The following SETBP1 variants were observed in gnomAD, a reference collection of about 807,000 sequenced individuals.
The protein encoded by SETBP1 is SET binding protein 1, also known as SET-binding protein.
Under a neutral mutation model 101.0 loss-of-function variants are expected in SETBP1, and 9 were observed. The observed-to-expected ratio is 0.09, with a 90% CI of 0.05 to 0.16. SETBP1 has a LOEUF of 0.16. SETBP1 is among the 10% of genes least tolerant of loss of function. SETBP1 has a pLI of 1.00. For synonymous variants in SETBP1, 818 were observed against 788.5 expected (o/e 1.04, Z -0.63); for missense variants, 1,858 against 2,033.8 (o/e 0.91, Z 1.66).
rs1179744279 is a variant in SETBP1, at chr18:44,950,766, C to T, written c.1426C>T (p.Pro476Ser). Residue 476 changes from proline (P) to serine (S), a missense_variant, in exon 4 of 6, where the codon CCC becomes TCC. Pro to Ser is a moderately conservative substitution (Grantham distance 74). Around this residue, in one of 12 missense-constraint regions of SETBP1, gnomAD observed 581 missense variants for 535.1 expected, o/e 1.09. Transcript: ENST00000649279. ...GAGTAAAATGATAGAGAATGAGTCC[C>T]CCTCAGTTGGCCTTGAAACTGGTGG... is the stretch of plus-strand genomic sequence containing the variant. ...KLSKMIENESPSVGLETGGNA... is the reference protein window; with the variant it reads ...KLSKMIENESSSVGLETGGNA... The T allele has an allele frequency of 1.2e-6, 2 of 1,614,116 alleles. No homozygotes were observed. Among genetic ancestry groups the T allele is most frequent in the South Asian group, 1.1e-5 (1 of 91,068 alleles).
At chr18:44,706,692 G>T (rs758582329) in intron 2 of SETBP1, among the ~76,000 whole-genome samples, 4 of 147,062 alleles carry the variant, frequency 2.7e-5, no homozygotes, top group Admixed American at 1.4e-4. Context: ...CTTCTCTTTC[G>T]TGAGGATGTT....
chr18:44,860,080 C>T (rs1478138779), intron 2 of SETBP1, among the ~76,000 whole-genome samples: 2 of 152,108 alleles, frequency 1.3e-5, no homozygotes, highest in Non-Finnish European at 2.9e-5. Context: ...TGGGATTCAC[C>T]AAGGGGATGA....
chr18:44,930,426 G>T (rs112953718), intron 3 of SETBP1, among the ~76,000 whole-genome samples: 1 of 152,070 alleles, frequency 6.6e-6, no homozygotes, highest in African/African-American at 2.4e-5. Flanking sequence ...GCCAGGCTTT[G>T]GTATCAGGAT....
rs772700161 is a variant in SETBP1 at position 44,950,159 on chromosome 18, G to A, written c.819G>A (p.Thr273=). 20 of 1,613,718 alleles carry A rather than the reference G, an allele frequency of 1.2e-5. No individual in the cohort carries two copies. The highest frequency in any genetic ancestry group is 2.7e-5 in the African/African-American group (2 of 74,940). The change falls in exon 4 of 6, where the codon ACG becomes ACA. Residue 273 remains threonine, a synonymous_variant. Transcript: ENST00000649279. Reference sequence around the variant, plus strand: ...GTAAGAAAGGCAGTGCAGGGAACACGTGGAGTCAGTTGTCTAACAATAACA... The same window carrying A: ...GTAAGAAAGGCAGTGCAGGGAACACATGGAGTCAGTTGTCTAACAATAACA... ...AQGKKGSAGN[T]WSQLSNNNKD...
chr18:45,004,747 T>C (rs967370658), intron 4 of SETBP1, among the ~76,000 whole-genome samples: 7 of 152,208 alleles, frequency 4.6e-5, no homozygotes, highest in Non-Finnish European at 7.3e-5. Context: ...GCTTCACTCA[T>C]GGGTGAGAGC....
rs188910435 is a variant in SETBP1 at position 45,062,705 on chromosome 18, A to G, written c.4172-374A>G. On this transcript the variant is annotated intron_variant, in intron 5 of 5. Coordinates refer to ENST00000649279, the MANE Select transcript of SETBP1 (RefSeq NM_015559.3). ...AGGTGAATACAAAATTACCTATATA[A>G]TAAGAGAAATAATGGGAAGATTTAT... Among the ~76,000 whole-genome samples the G allele has an allele frequency of 2.4e-3, 366 of 152,290 alleles. 3 individuals carry two copies. Among genetic ancestry groups the G allele is most frequent in the African/African-American group, 8.0e-3 (331 of 41,562 alleles).
intron 2 of SETBP1, among the ~76,000 whole-genome samples, chr18:44,866,225 A>C (rs1385993686): frequency 6.6e-6 from 1 of 152,216 alleles, no homozygotes; most frequent in Non-Finnish European, 1.5e-5. Context: ...GCTTGTCCCC[A>C]GTGCCTGAGT....
intron 1 of SETBP1, among the ~76,000 whole-genome samples, chr18:44,689,923 A>T (rs1052672438): frequency 1.3e-5 from 2 of 152,152 alleles, no homozygotes; most frequent in African/African-American, 4.8e-5. Flanking sequence ...ACAGCTTTCC[A>T]AGTGCAGGGA....
At chr18:44,910,684 A>G (rs944368873) in intron 3 of SETBP1, among the ~76,000 whole-genome samples, 1 of 152,156 alleles carries the variant, frequency 6.6e-6, no homozygotes, top group Non-Finnish European at 1.5e-5. Flanking sequence ...GCCCTGTCAT[A>G]CTAAAAACCT....
intron 2 of SETBP1, among the ~76,000 whole-genome samples, chr18:44,804,487 A>T (rs1244593147): frequency 6.6e-6 from 1 of 152,072 alleles, no homozygotes; most frequent in Non-Finnish European, 1.5e-5. Flanking sequence ...AGGGTAAGAG[A>T]GCTGTTCGAA....
intron 2 of SETBP1, among the ~76,000 whole-genome samples, chr18:44,857,790 A>G (rs1363358784): frequency 6.6e-6 from 1 of 152,204 alleles, no homozygotes; most frequent in African/African-American, 2.4e-5. Context: ...CAGGGAGAAC[A>G]ATGAAAGGAT....
chr18:44,986,798 C>T (rs1388174313), intron 4 of SETBP1: 1 of 152,100 alleles, frequency 6.6e-6, no homozygotes, highest in Non-Finnish European at 1.5e-5. Context: ...CCTATAATAA[C>T]AATGCCTTGC....
rs533741657 is a variant in SETBP1 at position 44,917,908 on chromosome 18, GC to G, written c.541-31970del. On this transcript the variant is annotated intron_variant, in intron 3 of 5. Transcript: ENST00000649279. ...AGAAGGAAATAGAAGGGGAAAGGAA[GC>G]CCTGAGCATGTCAGCCCCCACCACA... is the stretch of plus-strand genomic sequence containing the variant. Among the ~76,000 whole-genome samples the G allele has an allele frequency of 9.4e-4, 143 of 152,208 alleles. 1 individual carries two copies. The highest frequency in any genetic ancestry group is 3.3e-3 in the African/African-American group (136 of 41,536).
chr18:44,928,993 G>T (rs1358545521), intron 3 of SETBP1, among the ~76,000 whole-genome samples: 1 of 152,160 alleles, frequency 6.6e-6, no homozygotes, highest in Non-Finnish European at 1.5e-5. Flanking sequence ...TTCTAGTCAT[G>T]AAGTCCTTGC....
In SETBP1 at chr18:45,033,994, C is replaced by T. The variant is rs192283208; in HGVS notation, c.4001-4491C>T. ...TAGAGAAATGATATAAAGTAGATAACTAGCTTTATAAACCATGGAACAACA... is the reference window on the plus strand; with the variant it reads ...TAGAGAAATGATATAAAGTAGATAATTAGCTTTATAAACCATGGAACAACA... On this transcript the variant is annotated intron_variant, in intron 4 of 5. Transcript: ENST00000649279. Among the ~76,000 whole-genome samples, 34 of 152,248 alleles carry T rather than the reference C, an allele frequency of 2.2e-4. 1 individual carries two copies. The highest frequency in any genetic ancestry group is 6.5e-5 in the Admixed American group (1 of 15,288).
intron 3 of SETBP1, among the ~76,000 whole-genome samples, chr18:44,908,890 AT>A (rs1230590673): frequency 1.3e-5 from 2 of 152,184 alleles, no homozygotes; most frequent in African/African-American, 4.8e-5. Flanking sequence ...CACATTTTAT[AT>A]TGTTTATCTC....
At chr18:44,813,438 G>T (rs1198068913) in intron 2 of SETBP1, among the ~76,000 whole-genome samples, 3 of 152,146 alleles carry the variant, frequency 2.0e-5, no homozygotes, top group African/African-American at 7.2e-5. Context: ...TCAGCCATTG[G>T]CCTTGCAAGC....
At chr18:44,990,820 G>A (rs1439950167) in intron 4 of SETBP1, among the ~76,000 whole-genome samples, 1 of 150,236 alleles carries the variant, frequency 6.7e-6, no homozygotes, top group Admixed American at 6.7e-5. Flanking sequence ...AAAGTGTAAA[G>A]GTATTAACTT....
At chr18:44,727,186 CTGTGTGTGTGTGTG>C (rs56695366) in intron 2 of SETBP1, among the ~76,000 whole-genome samples, 8 of 145,214 alleles carry the variant, frequency 5.5e-5, no homozygotes, top group South Asian at 2.3e-4. Context: ...TATTTGATCA[CTGTGTGTGTGTGTG>C]TGTGTGTGTG....
Sources: allele counts gnomAD v4.1 joint callset (sites outside exome capture counted in the v4.1 genomes callset), GRCh38; gene constraint gnomAD v4.1.1; regional missense constraint gnomAD v4.1.1; transcripts MANE v1.5; gene names NCBI Gene and HGNC (gene_info 2026-07-23, HGNC 2026-07-21).